RIMS1: variants seen among roughly 807,000 people sequenced by gnomAD.
RIMS1 encodes the protein regulating synaptic membrane exocytosis 1, also known as regulating synaptic membrane exocytosis protein 1.
In RIMS1, 83 loss-of-function variants were observed where a neutral mutation model predicts 214.1. The ratio of observed to expected loss-of-function variants is 0.39; its 90% CI spans 0.32 to 0.47. RIMS1 has a LOEUF of 0.47. Ranked by LOEUF, RIMS1 falls within the 20% of genes least tolerant of loss-of-function variation. RIMS1 has a pLI of 0.99. For synonymous variants in RIMS1, 793 were observed against 786.8 expected (o/e 1.01, Z -0.13); for missense variants, 2,050 against 2,161.8 (o/e 0.95, Z 1.03).
At chr6:71,912,077 A>G (rs970357358) in intron 1 of RIMS1, among the ~76,000 whole-genome samples, 3 of 152,136 alleles carry the variant, frequency 2.0e-5, no homozygotes, top group Non-Finnish European at 4.4e-5. Flanking sequence ...TCAGGTTCAT[A>G]TCTTGAACCT....
intron 28 of RIMS1, chr6:72,317,305 A>T (rs1465724750): frequency 4.4e-5 from 12 of 271,868 alleles, no homozygotes; most frequent in Non-Finnish European, 2.2e-5. Flanking sequence ...GCACCTGCAC[A>T]GGGCTGTGTT....
At chr6:72,106,245 A>G (rs116759845) in intron 4 of RIMS1, among the ~76,000 whole-genome samples, 2,077 of 152,286 alleles carry the variant, frequency 0.014, 53 homozygotes, top group African/African-American at 0.046. Context: ...TTGTGCATTT[A>G]ATTTATGAAC....
intron 26 of RIMS1, among the ~76,000 whole-genome samples, chr6:72,298,269 G>A (rs1158348599): frequency 6.6e-6 from 1 of 152,092 alleles, no homozygotes; most frequent in East Asian, 1.9e-4. Flanking sequence ...CTTACTATAT[G>A]TCAGTGACTC....
At chr6:72,258,009 A>G (rs1000864990) in intron 16 of RIMS1, 116 bp from the exon 17 acceptor site, 19 of 898,346 alleles carry the variant, frequency 2.1e-5, no homozygotes, top group Middle Eastern at 3.3e-4. Flanking sequence ...TACCGATTGC[A>G]TGACATTTAT....
intron 29 of RIMS1, 144 bp downstream of exon 29, chr6:72,333,979 G>A (rs1049523305): frequency 3.1e-6 from 2 of 651,808 alleles, no homozygotes; most frequent in African/African-American, 1.8e-5. Flanking sequence ...CTGAAAATCT[G>A]CTAAATTTAT....
At chr6:72,390,453 A>T in intron 29 of RIMS1, 145 bp from the exon 30 acceptor site, 1 of 933,648 alleles carries the variant, frequency 1.1e-6, no homozygotes, top group East Asian at 2.7e-5. Flanking sequence ...GCCTGAATCA[A>T]GCAAAGTACT....
chr6:72,024,602 G>C (rs928607148), intron 2 of RIMS1, among the ~76,000 whole-genome samples: 5 of 151,912 alleles, frequency 3.3e-5, no homozygotes, highest in Admixed American at 3.3e-4. Flanking sequence ...CAGTTTTCAG[G>C]GGTCTGCAGA....
chr6:72,224,080 T>A (rs1336073075), intron 6 of RIMS1, among the ~76,000 whole-genome samples: 1 of 152,008 alleles, frequency 6.6e-6, no homozygotes, highest in Admixed American at 6.5e-5. Flanking sequence ...ATGATCCATA[T>A]GAGAATCATC....
intron 2 of RIMS1, among the ~76,000 whole-genome samples, chr6:71,991,263 T>TA (rs964087750): frequency 0.017 from 2,453 of 147,328 alleles, 60 homozygotes; most frequent in African/African-American, 0.056. Flanking sequence ...TCTTTTTAAT[T>TA]AAAAAAAAAA....
intron 2 of RIMS1, among the ~76,000 whole-genome samples, chr6:72,035,966 T>C (rs939081344): frequency 7.2e-5 from 11 of 152,174 alleles, no homozygotes. Context: ...CTGCTTTAAA[T>C]TTAACTAAAG....
chr6:71,897,297 C>T (rs1040474734), intron 1 of RIMS1, among the ~76,000 whole-genome samples: 2 of 152,162 alleles, frequency 1.3e-5, no homozygotes, highest in Non-Finnish European at 2.9e-5. Flanking sequence ...TTCCTCCCAT[C>T]TGATCTGATC....
chr6:72,367,528 T>C (rs1010794352), intron 29 of RIMS1, among the ~76,000 whole-genome samples: 14 of 152,156 alleles, frequency 9.2e-5, no homozygotes, highest in Non-Finnish European at 2.1e-4. Context: ...AAAAATAGAT[T>C]TATTTTGTGC....
intron 4 of RIMS1, among the ~76,000 whole-genome samples, chr6:72,134,910 A>G (rs1010979955): frequency 6.6e-6 from 1 of 152,138 alleles, no homozygotes; most frequent in South Asian, 2.1e-4. Flanking sequence ...TAAATGGGAG[A>G]AAGAAAGGGA....
intron 6 of RIMS1, among the ~76,000 whole-genome samples, chr6:72,208,190 G>A (rs922354922): frequency 1.3e-5 from 2 of 152,138 alleles, no homozygotes; most frequent in African/African-American, 4.8e-5. Flanking sequence ...TGTCTGAACC[G>A]TGGGTGAAAA....
At chr6:72,326,624 C>A (rs995484037) in intron 28 of RIMS1, among the ~76,000 whole-genome samples, 15 of 151,674 alleles carry the variant, frequency 9.9e-5, no homozygotes, top group Non-Finnish European at 2.1e-4. Context: ...GGCATGTCAT[C>A]GTTTAATTAG....
chr6:72,008,304 A>C (rs1808673653), intron 2 of RIMS1, among the ~76,000 whole-genome samples: 1 of 152,256 alleles, frequency 6.6e-6, no homozygotes, highest in South Asian at 2.1e-4. Flanking sequence ...GGCCTGCCTT[A>C]AAAGAGCTCC....
chr6:72,278,693 C>T (rs899844494), intron 23 of RIMS1, among the ~76,000 whole-genome samples: 1 of 151,994 alleles, frequency 6.6e-6, no homozygotes, highest in African/African-American at 2.4e-5. Context: ...TATCCATGAA[C>T]TAAAATATGG....
In RIMS1 at chr6:72,213,094, A is replaced by G. The variant is rs970175098; in HGVS notation, c.1679-20679A>G. 33 of 1,536,588 alleles carry G rather than the reference A, an allele frequency of 2.1e-5. 1 individual carries two copies. The East Asian group carries it at 6.1e-4, about 28-fold the overall frequency. On this transcript the variant is annotated intron_variant, in intron 6 of 33. Coordinates refer to ENST00000521978, the MANE Select transcript of RIMS1 (RefSeq NM_014989.7). ...TTAAACAGCAAGGCTTAAATCTCTC[A>G]AGCTGGATTTATTTCCAAGTTTGCT...
intron 26 of RIMS1, among the ~76,000 whole-genome samples, chr6:72,300,405 T>C (rs1020222753): frequency 1.3e-5 from 2 of 151,798 alleles, no homozygotes; most frequent in Non-Finnish European, 2.9e-5. Flanking sequence ...AGGAAAAGAC[T>C]TTCAAAAATC....
Sources: gnomAD v4.1 joint callset for allele counts (sites outside exome capture counted in the v4.1 genomes callset) on GRCh38, gnomAD v4.1.1 for gene constraint, MANE v1.5 for transcripts, NCBI Gene and HGNC (gene_info 2026-07-23, HGNC 2026-07-21) for gene names.